PLD5: variants seen among roughly 807,000 people sequenced by gnomAD.
The protein encoded by PLD5 is inactive phospholipase D5.
In PLD5, 36 loss-of-function variants were observed where a neutral mutation model predicts 61.1. That is an observed-to-expected ratio of 0.59 (90% confidence interval 0.45 to 0.78). The LOEUF is 0.78. Ranked by LOEUF, PLD5 falls within the 30% of genes least tolerant of loss-of-function variation. The pLI is 0.00. For synonymous variants in PLD5, 243 were observed against 242.8 expected (o/e 1.00, Z -0.01); for missense variants, 515 against 644.4 (o/e 0.80, Z 2.17).
chr1:242,299,119 AAT>A (rs1675884929), intron 2 of PLD5, among the ~76,000 whole-genome samples: 5 of 151,948 alleles, frequency 3.3e-5, no homozygotes, highest in Admixed American at 2.6e-4. Flanking sequence ...TACATTAAAA[AAT>A]TTTTTTTAAT....
intron 1 of PLD5, among the ~76,000 whole-genome samples, chr1:242,408,834 C>T (rs1441201835): frequency 2.0e-5 from 3 of 151,988 alleles, no homozygotes; most frequent in South Asian, 2.1e-4. Context: ...TTTAGGAGGC[C>T]GAGATGGGCA....
chr1:242,126,706 T>C lies in PLD5; in HGVS notation c.736-2041A>G, dbSNP rs375279100. ...CTCTAAGACCTGAAACCACAAAGAT[T>C]CTAGAACATAACACTGGAAAAACCC... On this transcript the variant is annotated intron_variant, in intron 5 of 9. Transcript: ENST00000536534. Among the ~76,000 whole-genome samples the C allele has an allele frequency of 5.4e-4, 82 of 152,218 alleles. 3 individuals carry two copies. The South Asian group carries it at 0.016, about 29-fold the overall frequency.
chr1:242,418,660 T>G (rs1277633022), intron 1 of PLD5, among the ~76,000 whole-genome samples: 1 of 152,176 alleles, frequency 6.6e-6, no homozygotes, highest in African/African-American at 2.4e-5. Context: ...GCTGGTAGAT[T>G]AAGTGAAGTG....
At chr1:242,464,233 G>A (rs932001090) in intron 1 of PLD5, among the ~76,000 whole-genome samples, 41 of 151,970 alleles carry the variant, frequency 2.7e-4, no homozygotes, top group African/African-American at 9.7e-4. Flanking sequence ...GCCCTTTATT[G>A]TCCCCTAGTC....
intron 5 of PLD5, among the ~76,000 whole-genome samples, chr1:242,209,929 G>A (rs1181037809): frequency 6.6e-6 from 1 of 152,076 alleles, no homozygotes; most frequent in East Asian, 1.9e-4. Context: ...TGAGTAGCTG[G>A]GATTACAGGC....
chr1:242,280,575 T>C (rs961758496), intron 3 of PLD5, among the ~76,000 whole-genome samples: 4 of 152,188 alleles, frequency 2.6e-5, no homozygotes, highest in African/African-American at 9.6e-5. Flanking sequence ...GTTTTTATGT[T>C]GCATCAGAAT....
chr1:242,382,946 C>A (rs1662385159), intron 1 of PLD5, among the ~76,000 whole-genome samples: 1 of 151,536 alleles, frequency 6.6e-6, no homozygotes, highest in Non-Finnish European at 1.5e-5. Flanking sequence ...GTGTAAAAAT[C>A]ATTTCTCTTA....
At chr1:242,525,732 C>G (rs1669430516), upstream of PLD5, among the ~76,000 whole-genome samples, 1 of 152,212 alleles carries the variant, frequency 6.6e-6, no homozygotes, top group Non-Finnish European at 1.5e-5. Flanking sequence ...CTCGGCAGAA[C>G]TGCCCTACTT....
rs182047826 is a variant in PLD5 at position 242,363,403 on chromosome 1, C to T, written c.190-15161G>A. On this transcript the variant is annotated intron_variant, in intron 1 of 9. Transcript: ENST00000536534. ...CATTAAATTTGGGCACAGTAGCCTG[C>T]GAACAGCCACTGCACTCCAGCCTGG... Among the ~76,000 whole-genome samples, 949 of 149,038 alleles carry T rather than the reference C, an allele frequency of 6.4e-3. 14 individuals carry two copies. Among genetic ancestry groups the T allele is most frequent in the Non-Finnish European group, 5.6e-3 (376 of 67,522 alleles).
At chr1:242,492,337 C>A (rs1668184042) in intron 1 of PLD5, among the ~76,000 whole-genome samples, 1 of 151,724 alleles carries the variant, frequency 6.6e-6, no homozygotes, top group African/African-American at 2.4e-5. Flanking sequence ...CATAGTGAAA[C>A]CCTGTCTCTA....
intron 6 of PLD5, among the ~76,000 whole-genome samples, chr1:242,121,146 CTG>C (rs1253181833): frequency 3.3e-5 from 5 of 152,226 alleles, no homozygotes; most frequent in Middle Eastern, 3.4e-3. Flanking sequence ...ACTGAGAAAA[CTG>C]TATGCATTCT....
chr1:242,395,169 A>T (rs1024647964), intron 1 of PLD5, among the ~76,000 whole-genome samples: 1 of 150,890 alleles, frequency 6.6e-6, no homozygotes, highest in Non-Finnish European at 1.5e-5. Context: ...AAATTTTTAA[A>T]AATGTACTAA....
rs957956840 is a variant in PLD5, at chr1:242,085,483, C to T, written c.*4371G>A. The T allele has an allele frequency of 1.3e-5, 2 of 152,120 alleles. No homozygotes were observed. Among genetic ancestry groups the T allele is most frequent in the African/African-American group, 2.4e-5 (1 of 41,402 alleles). The allele number at this position is 152,120 out of a possible 1,614,324, so 9.4% of individuals were successfully genotyped here. ...GTTGATGTCAGGGCTATTCAAAAGC[C>T]TCCGTCCATTTAAGTCAATAAGGTG... On this transcript the variant is annotated 3_prime_UTR_variant, in exon 10 of 10. Transcript: ENST00000536534.
rs115389931 is a variant in PLD5 at position 242,234,878 on chromosome 1, G to C, written c.608-14763C>G. On this transcript the variant is annotated intron_variant, in intron 4 of 9. Coordinates refer to ENST00000536534, the MANE Select transcript of PLD5 (RefSeq NM_001372062.1). Reference sequence around the variant, plus strand: ...AAAAGTCCTGTGGATGGCATCTCTAGTTAGTTCCTGGTGTAGACTTGAGGG... The same window carrying C: ...AAAAGTCCTGTGGATGGCATCTCTACTTAGTTCCTGGTGTAGACTTGAGGG... Among the ~76,000 whole-genome samples, 1,012 of 152,214 alleles carry C rather than the reference G, an allele frequency of 6.6e-3. 21 individuals carry two copies. The highest frequency in any genetic ancestry group is 0.056 in the East Asian group (292 of 5,176).
intron 4 of PLD5, among the ~76,000 whole-genome samples, chr1:242,259,807 A>G (rs1475710349): frequency 6.6e-6 from 1 of 152,118 alleles, no homozygotes; most frequent in Non-Finnish European, 1.5e-5. Context: ...ATGAATTGTT[A>G]TGGTTTTGGT....
intron 8 of PLD5, among the ~76,000 whole-genome samples, chr1:242,106,800 G>A (rs56396724): frequency 0.028 from 4,251 of 152,266 alleles, 75 homozygotes; most frequent in Non-Finnish European, 0.045. Context: ...AGATTCTGTT[G>A]AATGGCTGCA....
At chr1:242,277,341 T>C (rs1674469838) in intron 3 of PLD5, among the ~76,000 whole-genome samples, 1 of 151,970 alleles carries the variant, frequency 6.6e-6, no homozygotes, top group South Asian at 2.1e-4. Flanking sequence ...CTCACTGCAG[T>C]GAGATTCCAG....
At chr1:242,367,756 G>A (rs948351671) in intron 1 of PLD5, among the ~76,000 whole-genome samples, 1 of 152,076 alleles carries the variant, frequency 6.6e-6, no homozygotes, top group Admixed American at 6.6e-5. Context: ...AAACTCTGGA[G>A]AAAATAAAGC....
intron 1 of PLD5, among the ~76,000 whole-genome samples, chr1:242,471,279 T>C (rs1572205316): frequency 8.9e-6 from 1 of 112,922 alleles, no homozygotes; most frequent in East Asian, 2.1e-4. Flanking sequence ...CAAGAAATAA[T>C]TTTGGAAAAA....
Sources: allele counts gnomAD v4.1 joint callset (sites outside exome capture counted in the v4.1 genomes callset), GRCh38; gene constraint gnomAD v4.1.1; transcripts MANE v1.5; gene names NCBI Gene and HGNC (gene_info 2026-07-23, HGNC 2026-07-21).